Variants in ADAM9 observed in about 807,000 individuals in gnomAD.
The protein encoded by ADAM9 is ADAM metallopeptidase domain 9.
ADAM9 carries 54 observed loss-of-function variants against 108.1 expected under a neutral mutation model. That is an observed-to-expected ratio of 0.50 (90% CI 0.40 to 0.63). The LOEUF is 0.63. Ranked by LOEUF, ADAM9 falls within the 20% of genes least tolerant of loss-of-function variation. ADAM9 has a pLI of 0.00. For missense variants in ADAM9, 830 were observed against 997.7 expected, an observed-to-expected ratio of 0.83 and a Z score of 2.26; for synonymous variants, 316 against 336.0, an observed-to-expected ratio of 0.94 and a Z score of 0.65.
chr8:39,030,769 A>C (rs1837072361), intron 11 of ADAM9, among the ~76,000 whole-genome samples: 1 of 152,194 alleles, frequency 6.6e-6, no homozygotes, highest in South Asian at 2.1e-4. Context: ...TGGTGTTGTC[A>C]GTGTTCTGGA....
chr8:39,013,183 T>C (rs1224107419), intron 3 of ADAM9, among the ~76,000 whole-genome samples: 1 of 152,176 alleles, frequency 6.6e-6, no homozygotes, highest in Non-Finnish European at 1.5e-5. Flanking sequence ...TCAGGAATAA[T>C]TGTTTCTTTC....
At chr8:39,074,091 A>T (rs1028324182) in intron 15 of ADAM9, among the ~76,000 whole-genome samples, 1 of 152,194 alleles carries the variant, frequency 6.6e-6, no homozygotes, top group Non-Finnish European at 1.5e-5. Context: ...ATTCATCATC[A>T]TCATCACTAT....
intron 7 of ADAM9, among the ~76,000 whole-genome samples, chr8:39,020,814 CT>C (rs1292439519): frequency 6.6e-6 from 1 of 151,996 alleles, no homozygotes; most frequent in African/African-American, 2.4e-5. Flanking sequence ...TGCACAGAGT[CT>C]CTCTGAACCT....
rs539920809 is a variant in ADAM9 at position 39,000,021 on chromosome 8, C to T, written c.97+2861C>T. On this transcript the variant is annotated intron_variant, in intron 1 of 21. Transcript: ENST00000487273. ...GTCCTTTTGTATCTCAGTAGCTAAT[C>T]CCTCACAGTCTTTTTTTTTTTGAGA... Among the ~76,000 whole-genome samples the T allele has an allele frequency of 3.5e-3, 540 of 152,216 alleles. 1 individual carries two copies. The highest frequency in any genetic ancestry group is 4.4e-3 in the Non-Finnish European group (297 of 68,016).
chr8:39,069,260 C>A (rs113516598), intron 14 of ADAM9, among the ~76,000 whole-genome samples: 285 of 151,498 alleles, frequency 1.9e-3, no homozygotes, highest in African/African-American at 6.3e-3. Flanking sequence ...AAAAAAAAAA[C>A]TACTTTCTGT....
rs1292333153 is a variant in ADAM9 at position 39,025,846 on chromosome 8, A to G, written c.958A>G (p.Thr320Ala). 1 of 1,614,068 alleles carries G rather than the reference A, an allele frequency of 6.2e-7. No individual in the cohort carries two copies. The highest frequency in any genetic ancestry group is 8.5e-7 in the Non-Finnish European group (1 of 1,180,046). Reference protein sequence around the residue: ...GGTAGMAFVGTVCSRSHAGGI... With the variant: ...GGTAGMAFVGAVCSRSHAGGI... ...AACTGCAGGAATGGCATTTGTGGGAACAGTGTGTTCAAGGAGCCACGCAGG... is the reference window on the plus strand; with the variant it reads ...AACTGCAGGAATGGCATTTGTGGGAGCAGTGTGTTCAAGGAGCCACGCAGG... The change falls in exon 10 of 22, where the codon ACA (threonine) becomes GCA (alanine). Residue 320 changes from threonine to alanine, a missense_variant. This residue lies in a region of ADAM9 where 381 missense variants were observed against 539.8 expected (regional missense o/e 0.71). Transcript: ENST00000487273.
intron 1 of ADAM9, among the ~76,000 whole-genome samples, chr8:39,003,017 C>G (rs1294047518): frequency 6.6e-6 from 1 of 152,090 alleles, no homozygotes; most frequent in Non-Finnish European, 1.5e-5. Context: ...GCTGGGACAA[C>G]AGGAGAGCGC....
chr8:39,051,050 T>A (rs1469359290), intron 12 of ADAM9, among the ~76,000 whole-genome samples: 1 of 152,016 alleles, frequency 6.6e-6, no homozygotes, highest in African/African-American at 2.4e-5. Context: ...TGGTCCTCCT[T>A]TGGGAGAAGC....
At chr8:39,045,093 T>TACATAC (rs1837613370) in intron 12 of ADAM9, among the ~76,000 whole-genome samples, 1 of 23,644 alleles carries the variant, frequency 4.2e-5, no homozygotes. Context: ...CATACATACA[T>TACATAC]ATGTGTGTGT....
intron 9 of ADAM9, 78 bp downstream of exon 9, chr8:39,023,403 A>G: frequency 2.1e-6 from 3 of 1,430,588 alleles, no homozygotes; most frequent in Non-Finnish European, 2.8e-6. Context: ...TATTAGAATT[A>G]TATTCTCTTG....
At chr8:39,011,786 T>C (rs1248058166) in intron 3 of ADAM9, 70 bp downstream of exon 3, 4 of 1,410,530 alleles carry the variant, frequency 2.8e-6, no homozygotes, top group African/African-American at 1.4e-5. Flanking sequence ...TCTTTCTAGT[T>C]TGATATGGTT....
chr8:39,020,047 A>G (rs945278212), intron 7 of ADAM9, among the ~76,000 whole-genome samples: 1 of 152,206 alleles, frequency 6.6e-6, no homozygotes, highest in Non-Finnish European at 1.5e-5. Flanking sequence ...GCACTTTGGG[A>G]GGCCGAGGCG....
Position 39,067,295 on chromosome 8 carries a change from A to G in ADAM9, c.1592-4003A>G, listed in dbSNP as rs557217378. On this transcript the variant is annotated intron_variant, in intron 14 of 21. Transcript: ENST00000487273. ...TTTTTCCAATTCTGTGAAGAAAGTCATTGGTAGCTTGATGGGGATGGCATT... is the reference window on the plus strand; with the variant it reads ...TTTTTCCAATTCTGTGAAGAAAGTCGTTGGTAGCTTGATGGGGATGGCATT... 2.9e-3 allele frequency among the ~76,000 whole-genome samples: 438 copies of G among 152,308 alleles called. 3 individuals carry two copies. Among genetic ancestry groups the G allele is most frequent in the African/African-American group, 0.01 (418 of 41,576 alleles).
intron 18 of ADAM9, among the ~76,000 whole-genome samples, chr8:39,083,355 A>T (rs569040451): frequency 1.3e-5 from 2 of 152,108 alleles, no homozygotes; most frequent in East Asian, 1.9e-4. Context: ...GTGTTTTCCT[A>T]CAAGAATTCA....
chr8:39,021,753 T>G (rs961465544), intron 8 of ADAM9, 39 bp downstream of exon 8: 1 of 1,558,726 alleles, frequency 6.4e-7, no homozygotes, highest in East Asian at 2.2e-5. Context: ...GATTCTGTCC[T>G]ATTCTTTCAG....
At chr8:39,070,015 T>C (rs1003956446) in intron 14 of ADAM9, among the ~76,000 whole-genome samples, 5 of 147,500 alleles carry the variant, frequency 3.4e-5, no homozygotes, top group Non-Finnish European at 7.4e-5. Context: ...TAGTCAAGTG[T>C]GGTGGTGCAT....
rs781668897 is a variant in ADAM9 at position 39,077,326 on chromosome 8, A to G, written c.1796A>G (p.Lys599Arg). ...ATTCAAACGCCTAGTCGAGGCACCA[A>G]ATGTTGGGGTGTGGATTTCCAGCTA... is the stretch of plus-strand genomic sequence containing the variant. ...AIIQTPSRGT[K>R]CWGVDFQLGS... The change falls in exon 16 of 22, where the codon AAA (lysine) becomes AGA (arginine). Residue 599 changes from lysine (K) to arginine (R), a missense_variant. Coordinates refer to ENST00000487273, the MANE Select transcript of ADAM9 (RefSeq NM_003816.3). 3 of 1,614,058 alleles carry G rather than the reference A, an allele frequency of 1.9e-6. No homozygotes were observed. The South Asian group carries it at 3.3e-5, about 18-fold the overall frequency.
chr8:39,091,172 G>T, intron 19 of ADAM9, 87 bp from the exon 20 acceptor site: 1 of 1,257,276 alleles, frequency 8.0e-7, no homozygotes, highest in African/African-American at 1.5e-5. Flanking sequence ...TCATTATTCT[G>T]TATTTGGGAA....
intron 4 of ADAM9, chr8:39,015,835 T>A (rs1307093444): frequency 2.7e-6 from 1 of 372,490 alleles, no homozygotes; most frequent in Non-Finnish European, 5.0e-6. Flanking sequence ...ATATAATGCA[T>A]CTTGTTCTGC....
Sources: allele counts gnomAD v4.1 joint callset (sites outside exome capture counted in the v4.1 genomes callset), GRCh38; gene constraint gnomAD v4.1.1; regional missense constraint gnomAD v4.1.1; transcripts MANE v1.5; gene names NCBI Gene and HGNC (gene_info 2026-07-23, HGNC 2026-07-21).